The following PPP1R12B variants were observed in gnomAD, a reference collection of about 807,000 sequenced individuals.
PPP1R12B encodes protein phosphatase 1 regulatory subunit 12B, also known as myosin phosphatase target subunit 2.
PPP1R12B carries 76 observed loss-of-function variants against 126.1 expected under a neutral mutation model. That is an observed-to-expected ratio of 0.60 (90% CI 0.50 to 0.73). PPP1R12B has a LOEUF of 0.73. Among genes scored for constraint, PPP1R12B ranks in the 30% least tolerant of loss-of-function variants. The pLI is 0.00. For missense variants in PPP1R12B, 1,052 were observed against 1,205.1 expected (o/e 0.87, Z 1.88); for synonymous variants, 356 against 434.7 (o/e 0.82, Z 2.25).
At chr1:202,549,185 G>A (rs1572471780) in intron 18 of PPP1R12B, among the ~76,000 whole-genome samples, 1 of 152,122 alleles carries the variant, frequency 6.6e-6, no homozygotes, top group Non-Finnish European at 1.5e-5. Flanking sequence ...GATGACTGTG[G>A]CCCTCGCAAG....
At chr1:202,418,208 T>G (rs2148622151) in intron 2 of PPP1R12B, among the ~76,000 whole-genome samples, 1 of 152,356 alleles carries the variant, frequency 6.6e-6, no homozygotes, top group South Asian at 2.1e-4. Flanking sequence ...ATCAGAATTC[T>G]GATGCCTAAG....
intron 18 of PPP1R12B, among the ~76,000 whole-genome samples, chr1:202,510,058 G>A (rs1329958216): frequency 6.6e-6 from 1 of 152,270 alleles, no homozygotes; most frequent in South Asian, 2.1e-4. Flanking sequence ...TATAGAATAT[G>A]TACTTTTAAA....
intron 18 of PPP1R12B, among the ~76,000 whole-genome samples, chr1:202,558,019 C>G (rs1324978038): frequency 6.6e-6 from 1 of 152,056 alleles, no homozygotes; most frequent in Non-Finnish European, 1.5e-5. Flanking sequence ...GATTATTGGA[C>G]CTTTGCTTCT....
intron 1 of PPP1R12B, chr1:202,410,299 A>G (rs1464503117): frequency 1.3e-5 from 2 of 152,254 alleles, no homozygotes; most frequent in Admixed American, 1.3e-4. Flanking sequence ...AATTTTGTCC[A>G]CATGATTTGT....
intron 1 of PPP1R12B, among the ~76,000 whole-genome samples, chr1:202,409,889 T>C (rs1245743105): frequency 6.6e-6 from 1 of 152,224 alleles, no homozygotes; most frequent in Non-Finnish European, 1.5e-5. Context: ...ATTTCCCTAA[T>C]GATTAGTGAC....
rs905616457 is a variant in PPP1R12B, at chr1:202,419,117, C to T, written c.422+2200C>T. On this transcript the variant is annotated intron_variant, in intron 2 of 23. Transcript: ENST00000608999. This position sits in a 1 kb window ranked among gnomAD's most constrained non-coding sequence, Gnocchi z 4.6. ...GCAGGGAGCTTCAGAGGCTTTTTTC[C>T]TCATTTTAAAATGAGTTCAGGCTCA... is the stretch of plus-strand genomic sequence containing the variant. Among the ~76,000 whole-genome samples the T allele has an allele frequency of 1.3e-5, 2 of 152,044 alleles. No homozygotes were observed. Among genetic ancestry groups the T allele is most frequent in the Non-Finnish European group, 2.9e-5 (2 of 67,992 alleles).
intron 13 of PPP1R12B, among the ~76,000 whole-genome samples, chr1:202,474,111 A>C (rs188855604): frequency 6.6e-6 from 1 of 152,152 alleles, no homozygotes; most frequent in East Asian, 1.9e-4. Context: ...CCTATTTGCT[A>C]TATCTATAGA....
intron 23 of PPP1R12B, among the ~76,000 whole-genome samples, chr1:202,570,042 T>G (rs1471681612): frequency 6.6e-6 from 1 of 152,216 alleles, no homozygotes; most frequent in Non-Finnish European, 1.5e-5. Flanking sequence ...TTGAAACATC[T>G]GATTCCTGCA....
intron 18 of PPP1R12B, among the ~76,000 whole-genome samples, chr1:202,534,799 T>G (rs1282493796): frequency 1.3e-5 from 2 of 152,168 alleles, no homozygotes; most frequent in African/African-American, 2.4e-5. Flanking sequence ...TAGGTAGAGA[T>G]AAGTTTTTTC....
intron 2 of PPP1R12B, among the ~76,000 whole-genome samples, chr1:202,421,652 A>C (rs1222805795): frequency 9.9e-5 from 14 of 140,790 alleles, no homozygotes; most frequent in African/African-American, 3.8e-4. Context: ...AAAAAAAAAC[A>C]AAAAAAAAAG....
chr1:202,567,642 G>A, intron 21 of PPP1R12B, 136 bp from the exon 22 acceptor site: 1 of 812,346 alleles, frequency 1.2e-6, no homozygotes, highest in South Asian at 1.8e-5. Context: ...TGTTTGCTGG[G>A]GATCCCTGCT....
At chr1:202,405,676 G>A (rs921165306) in intron 1 of PPP1R12B, among the ~76,000 whole-genome samples, 31 of 152,084 alleles carry the variant, frequency 2.0e-4, no homozygotes, top group African/African-American at 7.2e-4. Context: ...GAAATAACTC[G>A]TCCCAAGAAC....
At chr1:202,445,021 A>C in intron 12 of PPP1R12B, 1 of 1,247,060 alleles carries the variant, frequency 8.0e-7, no homozygotes, top group Non-Finnish European at 1.0e-6. Flanking sequence ...TGTCCTGAAG[A>C]AAGTGACTGT....
In PPP1R12B at chr1:202,585,359, T is replaced by A. The variant is rs1689756645; in HGVS notation, c.*4799T>A. ...TAAGATGTGAGTTCTTCCAACCCAA[T>A]AAGCAGGCAGCTTTGAGGACAAAAA... On this transcript the variant is annotated 3_prime_UTR_variant, in exon 24 of 24. Transcript: ENST00000608999. The A allele has an allele frequency of 6.6e-6, 1 of 152,146 alleles. No homozygotes were observed. Among genetic ancestry groups the A allele is most frequent in the African/African-American group, 2.4e-5 (1 of 41,432 alleles). The allele number at this position is 152,146 out of a possible 1,614,324, so 9.4% of individuals were successfully genotyped here.
At chr1:202,434,562 AT>A in intron 8 of PPP1R12B, 93 bp from the exon 9 acceptor site, 1 of 1,468,646 alleles carries the variant, frequency 6.8e-7, no homozygotes, top group East Asian at 2.4e-5. Flanking sequence ...TGTTTTGATA[AT>A]GGGCAAATCT....
intron 18 of PPP1R12B, chr1:202,502,608 G>A: frequency 2.5e-6 from 1 of 398,608 alleles, no homozygotes; most frequent in Non-Finnish European, 3.4e-6. Flanking sequence ...TCTAGTGGGG[G>A]AGACAGACAA....
At chr1:202,358,299 A>C (rs954157953) in intron 1 of PPP1R12B, among the ~76,000 whole-genome samples, 1 of 152,122 alleles carries the variant, frequency 6.6e-6, no homozygotes, top group African/African-American at 2.4e-5. Context: ...CTGATCTTAG[A>C]TTGTAACCAG....
chr1:202,423,718 C>G (rs989224067), intron 3 of PPP1R12B, among the ~76,000 whole-genome samples: 7 of 152,156 alleles, frequency 4.6e-5, no homozygotes, highest in African/African-American at 1.2e-4. Flanking sequence ...GGGTCTCACT[C>G]TGTTGCCCAG....
chr1:202,425,847 T>C (rs1669435232), intron 4 of PPP1R12B, 122 bp downstream of exon 4: 2 of 901,458 alleles, frequency 2.2e-6, no homozygotes, highest in East Asian at 2.5e-5. Flanking sequence ...GTTTCCTCTC[T>C]GATTGTGCAG....
Sources: gnomAD v4.1 joint callset for allele counts (sites outside exome capture counted in the v4.1 genomes callset) on GRCh38, gnomAD v4.1.1 for gene constraint, Gnocchi (gnomAD v3.1) non-coding constraint, MANE v1.5 for transcripts, NCBI Gene and HGNC (gene_info 2026-07-23, HGNC 2026-07-21) for gene names.